ABCA10: variants seen among roughly 807,000 people sequenced by gnomAD.
ABCA10 encodes ATP-binding cassette sub-family A member 10.
In ABCA10, 169 loss-of-function variants were observed where a neutral mutation model predicts 187.5. The ratio of observed to expected loss-of-function variants is 0.90; its 90% CI spans 0.80 to 1.02. The LOEUF is 1.02. Ranked by LOEUF, ABCA10 falls within the 50% of genes least tolerant of loss-of-function variation. The probability of loss-of-function intolerance (pLI) is 0.00; values close to 1 mark genes in which losing one functional copy is unlikely to be tolerated. For missense variants in ABCA10, 1,727 were observed against 1,812.4 expected, an observed-to-expected ratio of 0.95 and a Z score of 0.86; for synonymous variants, 574 against 601.8, an observed-to-expected ratio of 0.95 and a Z score of 0.68.
At chr17:69,209,719 A>AT (rs1292328391) in intron 9 of ABCA10, among the ~76,000 whole-genome samples, 2 of 18,416 alleles carry the variant, frequency 1.1e-4, no homozygotes, top group African/African-American at 6.8e-4. Flanking sequence ...ACCTTCTGAG[A>AT]ATGTGTCATT....
At chr17:69,163,128 C>T (rs1326812335) in intron 27 of ABCA10, among the ~76,000 whole-genome samples, 2 of 152,158 alleles carry the variant, frequency 1.3e-5, no homozygotes, top group East Asian at 1.9e-4. Context: ...TGAGTCACTG[C>T]GCCTGGCCAA....
At chr17:69,231,421 T>C (rs2074831261), upstream of ABCA10, among the ~76,000 whole-genome samples, 1 of 152,192 alleles carries the variant, frequency 6.6e-6, no homozygotes, top group Non-Finnish European at 1.5e-5. Context: ...AACTTCCCTC[T>C]TAAAACTGCT....
chr17:69,174,782 CAA>C lies in ABCA10; in HGVS notation c.2878-7_2878-6del, dbSNP rs1487659352. 6.4e-7 allele frequency: 1 copy of C among 1,569,284 alleles called. No homozygotes were observed. Among genetic ancestry groups the C allele is most frequent in the Non-Finnish European group, 8.6e-7 (1 of 1,163,546 alleles). ...TAACTGGGATTGAACATTTTTCTGA[CAA>C]AGAATAGAAGGGATAGAGGAAGGGA... On this transcript the variant is annotated splice_polypyrimidine_tract_variant and splice_region_variant and intron_variant, in intron 23 of 38. Coordinates refer to ENST00000690296, the MANE Select transcript of ABCA10 (RefSeq NM_001377321.1).
chr17:69,194,092 T>A, intron 12 of ABCA10, 103 bp from the exon 13 acceptor site: 1 of 1,099,300 alleles, frequency 9.1e-7, no homozygotes, highest in South Asian at 1.7e-5. Flanking sequence ...CTTGTTTTTA[T>A]TAAAGAAACT....
intron 30 of ABCA10, 101 bp downstream of exon 30, chr17:69,154,918 A>G (rs1027414445): frequency 1.9e-5 from 14 of 750,246 alleles, no homozygotes; most frequent in African/African-American, 1.8e-4. Context: ...TAACCAGGAT[A>G]TATGAACAGT....
chr17:69,221,324 G>C (rs1470367158), intron 5 of ABCA10, among the ~76,000 whole-genome samples: 1 of 152,182 alleles, frequency 6.6e-6, no homozygotes, highest in Non-Finnish European at 1.5e-5. Flanking sequence ...AGTCAAAGGA[G>C]GACAACCCTT....
Position 69,166,398 on chromosome 17 carries a change from G to T in ABCA10, c.3163-1315C>A, listed in dbSNP as rs192773587. Among the ~76,000 whole-genome samples the T allele has an allele frequency of 9.2e-5, 14 of 151,878 alleles. No homozygotes were observed. The East Asian group carries it at 2.1e-3, about 23-fold the overall frequency. On this transcript the variant is annotated intron_variant, in intron 25 of 38. Transcript: ENST00000690296. The stretch of plus-strand genomic sequence containing the variant: ...CCATAGATTGGGGTCTGCAGTTGCA[G>T]TTGCCTGCCATTTCAAAATAAATAA...
At chr17:69,178,490 G>A (rs2074353920) in intron 22 of ABCA10, among the ~76,000 whole-genome samples, 1 of 152,118 alleles carries the variant, frequency 6.6e-6, no homozygotes, top group Non-Finnish European at 1.5e-5. Flanking sequence ...TCTGGGGATG[G>A]TGTCCAGTAA....
At chr17:69,167,055 A>G (rs1236181238) in intron 25 of ABCA10, among the ~76,000 whole-genome samples, 1 of 152,222 alleles carries the variant, frequency 6.6e-6, no homozygotes, top group Non-Finnish European at 1.5e-5. Context: ...AGGCCTGGAC[A>G]ATGAGAACCC....
Position 69,201,710 on chromosome 17 carries a change from C to T in ABCA10, c.1007-42G>A, listed in dbSNP as rs1001338062. Reference sequence around the variant, plus strand: ...CAATTACATATTGCATCAATTATACCACACCAATAAAAAGGGACATCTGTC... The same window carrying T: ...CAATTACATATTGCATCAATTATACTACACCAATAAAAAGGGACATCTGTC... On this transcript the variant is annotated intron_variant, in intron 9 of 38. Transcript: ENST00000690296. 6.9e-6 allele frequency: 10 copies of T among 1,440,672 alleles called. No individual in the cohort carries two copies. The African/African-American group carries it at 1.3e-4, about 19-fold the overall frequency. The allele number at this position is 1,440,672 out of a possible 1,614,324, so 89.2% of individuals were successfully genotyped here. A position where few individuals can be genotyped will look rare whatever the true frequency, so the allele number is the denominator to read the frequency against.
chr17:69,191,497 T>C (rs917447632), intron 16 of ABCA10, among the ~76,000 whole-genome samples, 182 bp from the exon 17 acceptor site: 2 of 152,230 alleles, frequency 1.3e-5, no homozygotes, highest in Non-Finnish European at 2.9e-5. Flanking sequence ...AAAGTGCTAA[T>C]TGGTAGCCTA....
upstream of ABCA10, among the ~76,000 whole-genome samples, chr17:69,231,300 T>G (rs954462128): frequency 6.6e-6 from 1 of 152,306 alleles, no homozygotes; most frequent in Admixed American, 6.5e-5. Context: ...TTTGTCTCTT[T>G]CATTCTACTA....
At chr17:69,217,115 C>T (rs945719220) in intron 6 of ABCA10, among the ~76,000 whole-genome samples, 15 of 151,820 alleles carry the variant, frequency 9.9e-5, no homozygotes, top group Non-Finnish European at 1.5e-4. Flanking sequence ...GGTGAGGTGG[C>T]GGGCACCTGT....
intron 20 of ABCA10, among the ~76,000 whole-genome samples, chr17:69,184,533 T>C (rs2144792809): frequency 6.6e-6 from 1 of 152,206 alleles, no homozygotes; most frequent in Non-Finnish European, 1.5e-5. Context: ...CTGCGAGACC[T>C]GAAGATGGAT....
chr17:69,151,988 A>G, intron 36 of ABCA10, 55 bp downstream of exon 36: 1 of 1,569,712 alleles, frequency 6.4e-7, no homozygotes, highest in Non-Finnish European at 8.6e-7. Context: ...AAACTAATTG[A>G]TGCTAATACT....
At chr17:69,237,840 A>C (rs2074881186) in intron 1 of ABCA10, among the ~76,000 whole-genome samples, 1 of 152,134 alleles carries the variant, frequency 6.6e-6, no homozygotes, top group African/African-American at 2.4e-5. Context: ...ATTGGAGATA[A>C]GCATCTGCAA....
chr17:69,164,928 G>C, intron 26 of ABCA10, 36 bp downstream of exon 26: 1 of 1,603,460 alleles, frequency 6.2e-7, no homozygotes, highest in Non-Finnish European at 8.5e-7. Flanking sequence ...GGGCTACAAG[G>C]TCAAGACTGG....
chr17:69,155,380 T>G (rs2074165730), intron 29 of ABCA10, among the ~76,000 whole-genome samples: 3 of 152,242 alleles, frequency 2.0e-5, no homozygotes, highest in Non-Finnish European at 4.4e-5. Context: ...AGCAGCTATC[T>G]TTGCCCTTTC....
chr17:69,175,340 T>C (rs1487634733), intron 23 of ABCA10, 66 bp downstream of exon 23: 4 of 1,395,296 alleles, frequency 2.9e-6, no homozygotes, highest in Admixed American at 2.0e-5. Flanking sequence ...TATAAAACAA[T>C]AAAATTGCAA....
Sources: allele counts gnomAD v4.1 joint callset (sites outside exome capture counted in the v4.1 genomes callset), GRCh38; gene constraint gnomAD v4.1.1; transcripts MANE v1.5; gene names NCBI Gene and HGNC (gene_info 2026-07-23, HGNC 2026-07-21).